The following CTNNA2 variants were observed in gnomAD, a reference collection of about 807,000 sequenced individuals.
CTNNA2 encodes the protein catenin alpha 2, also known as catenin alpha-2.
Under a neutral mutation model 101.0 loss-of-function variants are expected in CTNNA2, and 42 were observed. The observed-to-expected ratio is 0.42, with a 90% confidence interval of 0.32 to 0.54. The LOEUF is 0.54. Among genes scored for constraint, CTNNA2 ranks in the 20% least tolerant of loss-of-function variants. The pLI is 0.14. For synonymous variants in CTNNA2, 450 were observed against 456.4 expected, an observed-to-expected ratio of 0.99 and a Z score of 0.18; for missense variants, 871 against 1,223.1, an observed-to-expected ratio of 0.71 and a Z score of 4.29.
Position 79,874,352 on chromosome 2 carries a change from C to G in CTNNA2, c.852+10C>G, listed in dbSNP as rs752542931. On this transcript the variant is annotated intron_variant, in intron 6 of 18. Coordinates refer to ENST00000402739, the MANE Select transcript of CTNNA2 (RefSeq NM_001282597.3). ...TCTTAATGAGTTTGACGTAAGCATC[C>G]TGGTGAGGTACACAGAGGGGTGGGC... The G allele has an allele frequency of 1.2e-6, 2 of 1,612,732 alleles. No individual in the cohort carries two copies. The highest frequency in any genetic ancestry group is 2.2e-5 in the South Asian group (2 of 91,020).
intron 1 of CTNNA2, among the ~76,000 whole-genome samples, chr2:79,566,787 T>A (rs1042590851): frequency 6.6e-6 from 1 of 152,174 alleles, no homozygotes; most frequent in Non-Finnish European, 1.5e-5. Context: ...ATGTGCCCGG[T>A]GTGATAATAT....
intron 1 of CTNNA2, among the ~76,000 whole-genome samples, chr2:79,553,703 T>G (rs1038436580): frequency 6.6e-6 from 1 of 152,172 alleles, no homozygotes; most frequent in African/African-American, 2.4e-5. Context: ...CTCACTATCA[T>G]GAGAACAACA....
chr2:79,768,758 T>A (rs1673352425), intron 3 of CTNNA2, among the ~76,000 whole-genome samples: 1 of 152,116 alleles, frequency 6.6e-6, no homozygotes, highest in Admixed American at 6.6e-5. Flanking sequence ...CACAAAGGCT[T>A]CATCTCCCTC....
At chr2:80,399,352 C>T (rs1368484787) in intron 8 of CTNNA2, among the ~76,000 whole-genome samples, 1 of 152,136 alleles carries the variant, frequency 6.6e-6, no homozygotes, top group African/African-American at 2.4e-5. Flanking sequence ...CTTGGGCTAG[C>T]TGTTCTCTTG....
At chr2:79,754,903 CA>C (rs1484867072) in intron 3 of CTNNA2, among the ~76,000 whole-genome samples, 1 of 152,064 alleles carries the variant, frequency 6.6e-6, no homozygotes, top group African/African-American at 2.4e-5. Flanking sequence ...TATTCTAGGA[CA>C]GAAAATGGGG....
chr2:80,186,544 T>C (rs928075741), intron 7 of CTNNA2, among the ~76,000 whole-genome samples: 2 of 152,230 alleles, frequency 1.3e-5, no homozygotes, highest in African/African-American at 4.8e-5. Context: ...TATTATTAGC[T>C]CATAGTTAAA....
intron 1 of CTNNA2, among the ~76,000 whole-genome samples, chr2:79,525,446 T>C (rs570468471): frequency 6.6e-6 from 1 of 152,112 alleles, no homozygotes; most frequent in South Asian, 2.1e-4. Context: ...TACATATCAG[T>C]ATTGATTTAT....
chr2:80,159,694 G>A (rs1005538172), intron 7 of CTNNA2, among the ~76,000 whole-genome samples: 8 of 151,782 alleles, frequency 5.3e-5, no homozygotes, highest in East Asian at 1.9e-4. Context: ...GGCTGGTCTC[G>A]AACTCCTGAC....
At chr2:79,981,281 A>T (rs1185966401) in intron 7 of CTNNA2, among the ~76,000 whole-genome samples, 2 of 152,164 alleles carry the variant, frequency 1.3e-5, no homozygotes, top group Non-Finnish European at 2.9e-5. Context: ...GATAAAATAA[A>T]ATGTCCATAG....
intron 6 of CTNNA2, among the ~76,000 whole-genome samples, chr2:79,907,539 T>G (rs1318838416): frequency 6.6e-6 from 1 of 152,152 alleles, no homozygotes; most frequent in African/African-American, 2.4e-5. Context: ...GACTTTCACC[T>G]GTAATAATGA....
At chr2:79,258,080 CTAACT>C (rs1410338966) in intron 2 of CTNNA2, among the ~76,000 whole-genome samples, 5 of 152,102 alleles carry the variant, frequency 3.3e-5, no homozygotes, top group African/African-American at 1.2e-4. Context: ...TTAATGCATC[CTAACT>C]TAACTTCACC....
chr2:80,010,783 C>T (rs1272472136), intron 7 of CTNNA2, among the ~76,000 whole-genome samples: 2 of 151,984 alleles, frequency 1.3e-5, no homozygotes, highest in African/African-American at 4.8e-5. Context: ...CTCCACATTT[C>T]ATTTTCAGCA....
chr2:80,249,066 A>AT (rs1322410925), intron 7 of CTNNA2, among the ~76,000 whole-genome samples: 1 of 152,150 alleles, frequency 6.6e-6, no homozygotes, highest in African/African-American at 2.4e-5. Flanking sequence ...CTCCTCCATC[A>AT]TCAGCAGGCT....
Position 79,400,976 on chromosome 2 carries a change from C to CT in CTNNA2, c.-135+26964dup, listed in dbSNP as rs1678284071. Among the ~76,000 whole-genome samples, 3 of 151,982 alleles carry CT rather than the reference C, an allele frequency of 2.0e-5. No individual in the cohort carries two copies. The South Asian group carries it at 6.2e-4, about 32-fold the overall frequency. ...AGCAGAAACCATGAAAAGAAAAACACTATCAACTAAGACTTCTGTGTCTAG... is the reference window on the plus strand; with the variant it reads ...AGCAGAAACCATGAAAAGAAAAACACTTATCAACTAAGACTTCTGTGTCTAG... On this transcript the variant is annotated intron_variant, in intron 4 of 21. Coordinates refer to the CTNNA2 transcript ENST00000466387.
chr2:79,698,296 A>G (rs938837427), intron 2 of CTNNA2, among the ~76,000 whole-genome samples: 6 of 152,150 alleles, frequency 3.9e-5, no homozygotes, highest in South Asian at 2.1e-4. Flanking sequence ...TGTCTCCACA[A>G]CTAATGGTAC....
intron 1 of CTNNA2, among the ~76,000 whole-genome samples, chr2:79,517,586 C>T (rs377021936): frequency 6.6e-6 from 1 of 152,150 alleles, no homozygotes; most frequent in East Asian, 1.9e-4. Flanking sequence ...TTCAGCAAAT[C>T]TAAATCATAC....
intron 7 of CTNNA2, among the ~76,000 whole-genome samples, chr2:80,384,689 A>C (rs1676841812): frequency 1.3e-5 from 2 of 151,800 alleles, no homozygotes; most frequent in Admixed American, 1.3e-4. Flanking sequence ...TTAGTAACTA[A>C]CTGGATTTAG....
intron 4 of CTNNA2, among the ~76,000 whole-genome samples, chr2:79,407,234 C>G (rs1046137608): frequency 6.6e-6 from 1 of 152,016 alleles, no homozygotes; most frequent in Non-Finnish European, 1.5e-5. Context: ...TGCTTACTGA[C>G]CACTGGAGAT....
chr2:80,293,812 TA>T (rs1427049583), intron 7 of CTNNA2, among the ~76,000 whole-genome samples: 1 of 152,136 alleles, frequency 6.6e-6, no homozygotes, highest in African/African-American at 2.4e-5. Flanking sequence ...ATTTTGGTGT[TA>T]GGGGTATTTG....
Sources: allele counts gnomAD v4.1 joint callset (sites outside exome capture counted in the v4.1 genomes callset), GRCh38; gene constraint gnomAD v4.1.1; transcripts MANE v1.5; gene names NCBI Gene and HGNC (gene_info 2026-07-23, HGNC 2026-07-21).